The following IL15 variants were observed in gnomAD, a reference collection of about 807,000 sequenced individuals.
IL15 encodes interleukin-15.
A neutral mutation model predicts 19.6 loss-of-function variants in IL15; 11 were observed. The ratio of observed to expected loss-of-function variants is 0.56; its 90% CI spans 0.35 to 0.93. The LOEUF is 0.93. Among genes scored for constraint, IL15 ranks in the 40% least tolerant of loss-of-function variants. IL15 has a pLI of 0.01. For synonymous variants in IL15, 58 were observed against 59.6 expected (o/e 0.97, Z 0.12); for missense variants, 197 against 186.5 (o/e 1.06, Z -0.33).
intron 2 of IL15, among the ~76,000 whole-genome samples, chr4:141,672,515 T>C (rs1433922937): frequency 2.6e-5 from 4 of 152,214 alleles, no homozygotes; most frequent in Admixed American, 1.3e-4. Context: ...TGCATTGATT[T>C]ATTTCTGTTG....
At chr4:141,683,557 T>TTTTA (rs1228341363) in intron 2 of IL15, among the ~76,000 whole-genome samples, 1 of 143,916 alleles carries the variant, frequency 6.9e-6, no homozygotes, top group East Asian at 2.0e-4. Flanking sequence ...GGTGACAGAG[T>TTTTA]GAGATTCCGT....
At chr4:141,674,390 C>T (rs1475133424) in intron 2 of IL15, among the ~76,000 whole-genome samples, 2 of 152,042 alleles carry the variant, frequency 1.3e-5, no homozygotes, top group African/African-American at 2.4e-5. Context: ...AATACCCTAA[C>T]AATTTTGCAG....
intron 2 of IL15, among the ~76,000 whole-genome samples, chr4:141,690,767 A>C (rs978623677): frequency 1.3e-5 from 2 of 152,080 alleles, no homozygotes; most frequent in African/African-American, 4.8e-5. Context: ...ACTCTCCATG[A>C]CATACTCCTA....
chr4:141,644,999 A>G (rs1727179684), intron 1 of IL15, among the ~76,000 whole-genome samples: 2 of 151,936 alleles, frequency 1.3e-5, no homozygotes, highest in Admixed American at 1.3e-4. Context: ...TTTCTTTTCT[A>G]TGAGAAATAA....
intron 1 of IL15, among the ~76,000 whole-genome samples, chr4:141,649,728 C>G (rs538064610): frequency 6.6e-6 from 1 of 152,020 alleles, no homozygotes; most frequent in Non-Finnish European, 1.5e-5. Context: ...CAACCTTCCC[C>G]AGTAGGAGCA....
At chr4:141,653,204 C>A (rs900172703) in intron 1 of IL15, among the ~76,000 whole-genome samples, 1 of 152,080 alleles carries the variant, frequency 6.6e-6, no homozygotes, top group Non-Finnish European at 1.5e-5. Context: ...TATTTACAGC[C>A]TCCTTTGGTT....
chr4:141,698,922 GTTGT>G (rs1253542430), intron 2 of IL15, among the ~76,000 whole-genome samples: 2 of 151,792 alleles, frequency 1.3e-5, no homozygotes, highest in Non-Finnish European at 2.9e-5. Context: ...GTGATATTAG[GTTGT>G]TTATTTGTGC....
At chr4:141,641,252 A>T (rs1313115289) in intron 1 of IL15, among the ~76,000 whole-genome samples, 1 of 152,244 alleles carries the variant, frequency 6.6e-6, no homozygotes, top group Non-Finnish European at 1.5e-5. Flanking sequence ...TCGTTGTGAA[A>T]ATTATTCTAG....
intron 2 of IL15, among the ~76,000 whole-genome samples, chr4:141,684,171 A>G (rs753689170): frequency 2.0e-5 from 3 of 152,190 alleles, no homozygotes. Flanking sequence ...GAAGTTTAGC[A>G]TGTAATCAAC....
intron 1 of IL15, among the ~76,000 whole-genome samples, chr4:141,651,420 G>A (rs1413022373): frequency 1.3e-5 from 2 of 152,084 alleles, no homozygotes; most frequent in African/African-American, 4.8e-5. Context: ...AGTCATTGGA[G>A]AATCCAAAAG....
rs140467937 is a variant in IL15, at chr4:141,670,080, G to A, written c.-100+13773G>A. On this transcript the variant is annotated intron_variant, in intron 2 of 7. Transcript: ENST00000320650. Reference sequence around the variant, plus strand: ...CCCTGTAAAGTTACTAAGGACTTCCGTCAACTAGATATAAAAATAGATTCA... The same window carrying A: ...CCCTGTAAAGTTACTAAGGACTTCCATCAACTAGATATAAAAATAGATTCA... Among the ~76,000 whole-genome samples, 225 of 150,372 alleles carry A rather than the reference G, an allele frequency of 1.5e-3. 3 individuals are homozygous for A. Among genetic ancestry groups the A allele is most frequent in the African/African-American group, 5.1e-3 (208 of 40,876 alleles).
At chr4:141,724,739 A>G (rs1730202586) in intron 5 of IL15, among the ~76,000 whole-genome samples, 1 of 152,098 alleles carries the variant, frequency 6.6e-6, no homozygotes, top group Non-Finnish European at 1.5e-5. Context: ...AAACTACCAA[A>G]ACATAATGAA....
chr4:141,637,898 G>A (rs1347817077), intron 1 of IL15, among the ~76,000 whole-genome samples: 4 of 152,148 alleles, frequency 2.6e-5, no homozygotes, highest in Non-Finnish European at 5.9e-5. Context: ...AGGTATTACA[G>A]AATAAACTGG....
At chr4:141,686,912 A>G (rs1728731394) in intron 2 of IL15, among the ~76,000 whole-genome samples, 1 of 152,198 alleles carries the variant, frequency 6.6e-6, no homozygotes, top group Non-Finnish European at 1.5e-5. Flanking sequence ...TTTTCAAATA[A>G]TAATTTTAAA....
At chr4:141,673,566 T>A (rs7698675) in intron 2 of IL15, among the ~76,000 whole-genome samples, 113,958 of 152,054 alleles carry the variant, frequency 0.75, 42,931 homozygotes, top group East Asian at 0.99. Flanking sequence ...ACAATAATGA[T>A]CATATTGCCC....
At position 141,675,823 on chromosome 4, in the gene IL15, G is replaced by A. The variant is rs974472819; in HGVS notation, c.-100+19516G>A. 3.9e-5 allele frequency among the ~76,000 whole-genome samples: 6 copies of A among 152,194 alleles called. No individual in the cohort carries two copies. In the South Asian group the frequency reaches 1.2e-3, roughly 32 times the overall value. On this transcript the variant is annotated intron_variant, in intron 2 of 7. Coordinates refer to ENST00000320650, the MANE Select transcript of IL15 (RefSeq NM_000585.5). ...CAGGTGCAAAAACCTTGCACATTTT[G>A]TGAAATACATTTGTATCTCATATCG...
chr4:141,688,931 G>A (rs183347540), intron 2 of IL15: 60 of 153,520 alleles, frequency 3.9e-4, no homozygotes, highest in Non-Finnish European at 7.1e-4. Context: ...TTAAGGTGGC[G>A]CATCTGGAGT....
At chr4:141,701,277 G>A (rs981862730) in intron 2 of IL15, among the ~76,000 whole-genome samples, 5 of 151,560 alleles carry the variant, frequency 3.3e-5, no homozygotes, top group East Asian at 3.9e-4. Context: ...ATTTTTGATG[G>A]GACTGAGGTT....
chr4:141,662,196 T>G (rs1403039480), intron 2 of IL15, among the ~76,000 whole-genome samples: 1 of 152,242 alleles, frequency 6.6e-6, no homozygotes, highest in Non-Finnish European at 1.5e-5. Flanking sequence ...CAATGCACCT[T>G]AGAGAACAGG....
Sources: gnomAD v4.1 joint callset for allele counts (sites outside exome capture counted in the v4.1 genomes callset) on GRCh38, gnomAD v4.1.1 for gene constraint, MANE v1.5 for transcripts, NCBI Gene and HGNC (gene_info 2026-07-23, HGNC 2026-07-21) for gene names.